The following FARSB variants were observed in gnomAD, a reference collection of about 807,000 sequenced individuals.
FARSB encodes the protein phenylalanyl-tRNA synthetase subunit beta.
A neutral mutation model predicts 69.6 loss-of-function variants in FARSB; 40 were observed. That is an observed-to-expected ratio of 0.57 (90% CI 0.45 to 0.75). The LOEUF (loss-of-function observed/expected upper bound fraction) is 0.75, where lower values mean the gene tolerates loss of function less well. FARSB is among the 30% of genes least tolerant of loss of function. FARSB has a pLI of 0.00. For missense variants in FARSB, 632 were observed against 722.9 expected (o/e 0.87, Z 1.44); for synonymous variants, 235 against 247.2 (o/e 0.95, Z 0.46).
intron 7 of FARSB, among the ~76,000 whole-genome samples, 181 bp from the exon 8 acceptor site, chr2:222,631,855 C>T (rs185753036): frequency 7.9e-5 from 12 of 152,318 alleles, no homozygotes; most frequent in Admixed American, 2.0e-4. Flanking sequence ...GGCGGATCAC[C>T]TGAGGTCAGG....
At chr2:222,628,977 G>T (rs1335022190) in intron 9 of FARSB, 89 bp from the exon 10 acceptor site, 2 of 899,598 alleles carry the variant, frequency 2.2e-6, no homozygotes, top group East Asian at 4.8e-5. Context: ...CTTTCATTTG[G>T]GCTACAACTA....
At chr2:222,628,798 T>C (rs781038005) in intron 10 of FARSB, 39 bp downstream of exon 10, 3 of 1,362,570 alleles carry the variant, frequency 2.2e-6, no homozygotes, top group South Asian at 1.2e-5. Flanking sequence ...ATTATTAGCA[T>C]TGTTGTCATA....
Position 222,578,465 on chromosome 2 carries a change from T to C in FARSB, c.1619-6443A>G, listed in dbSNP as rs564229065. On this transcript the variant is annotated intron_variant, in intron 16 of 16. Coordinates refer to ENST00000281828, the MANE Select transcript of FARSB (RefSeq NM_005687.5). ...CAATTGAGACCTTTAGCTAACTTAG[T>C]GCAAACATAACTTTAAACATGTAAT... is the stretch of plus-strand genomic sequence containing the variant. Among the ~76,000 whole-genome samples the C allele has an allele frequency of 6.4e-4, 98 of 152,252 alleles. 1 individual carries two copies. The highest frequency in any genetic ancestry group is 5.2e-3 in the Admixed American group (79 of 15,288).
intron 16 of FARSB, among the ~76,000 whole-genome samples, chr2:222,583,673 T>C (rs1002637957): frequency 8.5e-5 from 13 of 152,174 alleles, no homozygotes; most frequent in Non-Finnish European, 1.5e-4. Context: ...ATGGTTTGGC[T>C]GTGTCCCTAC....
chr2:222,629,660 T>C (rs1181830621), intron 9 of FARSB, among the ~76,000 whole-genome samples: 2 of 152,238 alleles, frequency 1.3e-5, no homozygotes, highest in African/African-American at 2.4e-5. Flanking sequence ...CTTTATCCAA[T>C]ATTTATGCGT....
chr2:222,583,191 C>T (rs958100130), intron 16 of FARSB, among the ~76,000 whole-genome samples: 1 of 152,154 alleles, frequency 6.6e-6, no homozygotes, highest in Admixed American at 6.5e-5. Context: ...TCTAAATACA[C>T]TGACTAAAAT....
intron 16 of FARSB, among the ~76,000 whole-genome samples, chr2:222,599,437 C>A (rs1202727517): frequency 6.6e-6 from 1 of 152,216 alleles, no homozygotes; most frequent in African/African-American, 2.4e-5. Context: ...CACGAGGATT[C>A]CCACCCTTGC....
At chr2:222,645,621 T>G (rs1691832026) in intron 2 of FARSB, among the ~76,000 whole-genome samples, 1 of 152,086 alleles carries the variant, frequency 6.6e-6, no homozygotes, top group South Asian at 2.1e-4. Flanking sequence ...ATGTCTTTTT[T>G]TTTTTTTGAG....
chr2:222,568,497 T>C lies in FARSB; in HGVS notation c.*3374A>G, dbSNP rs1158339834. On this transcript the variant is annotated 3_prime_UTR_variant, in exon 17 of 17. Coordinates refer to ENST00000281828, the MANE Select transcript of FARSB (RefSeq NM_005687.5). This position sits in a 1 kb window ranked among gnomAD's most constrained non-coding sequence, Gnocchi z 4.3. ...ACATCAGGGAGAATTCCTACTCTCA[T>C]ACCGTTATTAAACCAAAAAAATTAA... The C allele has an allele frequency of 2.0e-5, 3 of 152,128 alleles. No homozygotes were observed. Among genetic ancestry groups the C allele is most frequent in the Non-Finnish European group, 4.4e-5 (3 of 68,020 alleles). The allele number at this position is 152,128 out of a possible 1,614,324, so 9.4% of individuals were successfully genotyped here. A position where few individuals can be genotyped will look rare whatever the true frequency, so the allele number is the denominator to read the frequency against.
intron 16 of FARSB, among the ~76,000 whole-genome samples, chr2:222,581,828 A>G (rs1689975852): frequency 6.6e-6 from 1 of 152,264 alleles, no homozygotes; most frequent in South Asian, 2.1e-4. Context: ...AAACATGTAA[A>G]TATGTTACAT....
At chr2:222,578,116 C>T (rs889757456) in intron 16 of FARSB, among the ~76,000 whole-genome samples, 2 of 151,946 alleles carry the variant, frequency 1.3e-5, no homozygotes, top group African/African-American at 4.8e-5. Context: ...ATGCCATCAT[C>T]CTATATTTGT....
At chr2:222,641,227 T>C (rs1176473406) in intron 3 of FARSB, among the ~76,000 whole-genome samples, 1 of 152,208 alleles carries the variant, frequency 6.6e-6, no homozygotes, top group East Asian at 1.9e-4. Context: ...TTAAGGAGCA[T>C]TTCAACATCA....
chr2:222,632,027 G>A (rs1055389807), intron 7 of FARSB, among the ~76,000 whole-genome samples: 1 of 139,714 alleles, frequency 7.2e-6, no homozygotes, highest in Non-Finnish European at 1.5e-5. Context: ...AGCCGAGATG[G>A]TGCAATGGCA....
At chr2:222,623,614 A>G (rs1691194674) in intron 13 of FARSB, 36 bp downstream of exon 13, 1 of 1,142,130 alleles carries the variant, frequency 8.8e-7, no homozygotes, top group South Asian at 1.2e-5. Context: ...GTCTAAGTAA[A>G]TAATCATCTG....
chr2:222,596,328 C>A (rs1690413754), intron 16 of FARSB, among the ~76,000 whole-genome samples: 1 of 152,146 alleles, frequency 6.6e-6, no homozygotes, highest in African/African-American at 2.4e-5. Flanking sequence ...ACGCACGGAG[C>A]CAGGTTTCTC....
chr2:222,602,587 T>A (rs1690591298), intron 15 of FARSB, among the ~76,000 whole-genome samples: 1 of 151,566 alleles, frequency 6.6e-6, no homozygotes, highest in Non-Finnish European at 1.5e-5. Flanking sequence ...TTTTTTTTTA[T>A]ACCATATTAT....
chr2:222,592,115 G>C (rs1690288782), intron 16 of FARSB, among the ~76,000 whole-genome samples: 1 of 152,136 alleles, frequency 6.6e-6, no homozygotes, highest in Admixed American at 6.5e-5. Flanking sequence ...CTTTAAGAAA[G>C]AAACTCCCAA....
At chr2:222,591,758 A>G (rs779662051) in intron 16 of FARSB, among the ~76,000 whole-genome samples, 13 of 152,190 alleles carry the variant, frequency 8.5e-5, no homozygotes, top group African/African-American at 1.7e-4. Context: ...CCTCTAAAAC[A>G]TATTTCCTGG....
At chr2:222,643,027 T>G in intron 2 of FARSB, 22 bp from the exon 3 acceptor site, 1 of 1,455,878 alleles carries the variant, frequency 6.9e-7, no homozygotes, top group Non-Finnish European at 9.4e-7. Context: ...CAAAAAGTAA[T>G]GATAAAAATT....
Sources: allele counts gnomAD v4.1 joint callset (sites outside exome capture counted in the v4.1 genomes callset), GRCh38; gene constraint gnomAD v4.1.1; non-coding constraint Gnocchi (gnomAD v3.1); transcripts MANE v1.5; gene names NCBI Gene and HGNC (gene_info 2026-07-23, HGNC 2026-07-21).